ZNF451: variants seen among roughly 807,000 people sequenced by gnomAD.
The protein encoded by ZNF451 is E3 SUMO-protein ligase ZNF451.
ZNF451 carries 80 observed loss-of-function variants against 107.1 expected under a neutral mutation model. That is an observed-to-expected ratio of 0.75 (90% CI 0.62 to 0.90). The LOEUF (loss-of-function observed/expected upper bound fraction) is 0.90, where lower values mean the gene tolerates loss of function less well. Among genes scored for constraint, ZNF451 ranks in the 40% least tolerant of loss-of-function variants. ZNF451 has a pLI of 0.00. For missense variants in ZNF451, 1,107 were observed against 1,236.2 expected (o/e 0.90, Z 1.57); for synonymous variants, 362 against 406.5 (o/e 0.89, Z 1.32).
At chr6:57,101,927 A>G (rs1195523385) in intron 3 of ZNF451, 7 of 1,550,442 alleles carry the variant, frequency 4.5e-6, no homozygotes, top group Admixed American at 2.0e-5. Flanking sequence ...GAAAATGACT[A>G]TAAAGATCAC....
chr6:57,142,176 A>G (rs1831802544), intron 9 of ZNF451, 81 bp downstream of exon 9: 4 of 1,423,616 alleles, frequency 2.8e-6, no homozygotes, highest in South Asian at 1.6e-5. Context: ...TTTTCTTTCC[A>G]TGTTTCTCTC....
At chr6:57,150,983 C>A in intron 11 of ZNF451, 121 bp downstream of exon 11, 3 of 1,200,416 alleles carry the variant, frequency 2.5e-6, no homozygotes, top group Non-Finnish European at 3.5e-6. Context: ...GAATATTGTT[C>A]TTTTGTATTA....
At chr6:57,140,364 G>A (rs769620675) in intron 7 of ZNF451, among the ~76,000 whole-genome samples, 10 of 152,034 alleles carry the variant, frequency 6.6e-5, no homozygotes, top group Non-Finnish European at 1.2e-4. Flanking sequence ...CCAGAAGTTC[G>A]AGACCAGCCT....
chr6:57,093,302 A>G (rs1429324446), intron 2 of ZNF451, among the ~76,000 whole-genome samples: 1 of 152,168 alleles, frequency 6.6e-6, no homozygotes, highest in Admixed American at 6.5e-5. Context: ...GTGTAGCATC[A>G]TTGGAAGTCA....
chr6:57,107,792 A>G (rs1161341345), intron 3 of ZNF451: 1 of 982,154 alleles, frequency 1.0e-6, no homozygotes, highest in East Asian at 1.1e-4. Flanking sequence ...AGTATTCCTG[A>G]GTATATTCCT....
At chr6:57,111,355 A>T (rs1223977355) in intron 3 of ZNF451, among the ~76,000 whole-genome samples, 2 of 145,484 alleles carry the variant, frequency 1.4e-5, no homozygotes, top group Non-Finnish European at 3.0e-5. Context: ...ATTCAGAGTT[A>T]CTGTGGGGTT....
chr6:57,091,430 G>A (rs1348835591), intron 2 of ZNF451: 8 of 140,786 alleles, frequency 5.7e-5, no homozygotes, highest in African/African-American at 1.9e-4. Flanking sequence ...TGTTCCCTTT[G>A]AGACAGTAGT....
intron 14 of ZNF451, among the ~76,000 whole-genome samples, chr6:57,163,696 T>G (rs138635769): frequency 6.6e-6 from 1 of 151,674 alleles, no homozygotes; most frequent in African/African-American, 2.4e-5. Context: ...GTGATCCGCC[T>G]GCCTCGGCCT....
At chr6:57,166,449 A>G (rs1474789773) in intron 14 of ZNF451, among the ~76,000 whole-genome samples, 1 of 152,188 alleles carries the variant, frequency 6.6e-6, no homozygotes, top group Non-Finnish European at 1.5e-5. Context: ...TAAAACACAA[A>G]CACTTTGTAC....
intron 10 of ZNF451, 137 bp from the exon 11 acceptor site, chr6:57,150,582 A>G (rs1832295573): frequency 1.3e-6 from 1 of 795,350 alleles, no homozygotes; most frequent in Non-Finnish European, 1.9e-6. Flanking sequence ...GGATTTCACA[A>G]AAAGGTTTAG....
chr6:57,153,246 C>A (rs548933584), intron 12 of ZNF451, among the ~76,000 whole-genome samples: 66 of 152,076 alleles, frequency 4.3e-4, no homozygotes, highest in African/African-American at 1.5e-3. Flanking sequence ...TTATATTGAG[C>A]GTATAGCCCT....
chr6:57,139,044 G>T (rs1339449464), intron 7 of ZNF451, among the ~76,000 whole-genome samples: 2 of 151,948 alleles, frequency 1.3e-5, no homozygotes, highest in Admixed American at 1.3e-4. Context: ...ATGATTTAAT[G>T]AGTTTAGGGT....
intron 1 of ZNF451, 72 bp downstream of exon 1, chr6:57,090,346 A>C: frequency 6.3e-7 from 1 of 1,584,862 alleles, no homozygotes; most frequent in Non-Finnish European, 8.6e-7. Flanking sequence ...CTGCGGTCTG[A>C]GGCCTGGTGC....
At position 57,141,361 on chromosome 6, in the gene ZNF451, A is replaced by G. The variant is rs1831749044; in HGVS notation, c.762A>G (p.Ala254=). The change falls in exon 8 of 15, where the codon GCA becomes GCG. Residue 254 remains alanine (A), a synonymous_variant. Coordinates refer to ENST00000370706, the MANE Select transcript of ZNF451 (RefSeq NM_001031623.3). The part of the protein sequence containing the change: ...NLLPQIIQCF[A]CPNCFLLFSR... ...TTCCTCAGATTATTCAGTGTTTTGC[A>G]TGTCCAAATTGCTTCCTTCTTTTTA... 1 of 1,613,370 alleles carries G rather than the reference A, an allele frequency of 6.2e-7. No homozygotes were observed. Among genetic ancestry groups the G allele is most frequent in the African/African-American group, 1.3e-5 (1 of 75,046 alleles).
chr6:57,149,007 G>A (rs1186804478), intron 10 of ZNF451, among the ~76,000 whole-genome samples: 1 of 152,098 alleles, frequency 6.6e-6, no homozygotes, highest in Non-Finnish European at 1.5e-5. Flanking sequence ...AGTTATCCTA[G>A]TATTAATATC....
chr6:57,120,868 CA>C (rs1489073483), intron 3 of ZNF451, among the ~76,000 whole-genome samples: 2 of 152,118 alleles, frequency 1.3e-5, no homozygotes, highest in African/African-American at 4.8e-5. Flanking sequence ...TTGTCTTTTG[CA>C]GAGAAGTTTT....
chr6:57,113,478 AG>A (rs1830206567), intron 3 of ZNF451, among the ~76,000 whole-genome samples: 2 of 152,172 alleles, frequency 1.3e-5, no homozygotes, highest in Non-Finnish European at 2.9e-5. Context: ...AAACATTTAA[AG>A]TAACTGATTT....
chr6:57,141,961 T>C lies in ZNF451; in HGVS notation c.870T>C (p.Ile290=). 1 of 1,613,586 alleles carries C rather than the reference T, an allele frequency of 6.2e-7. No homozygotes were observed. The highest frequency in any genetic ancestry group is 1.1e-5 in the South Asian group (1 of 91,040). The change falls in exon 9 of 15, where the codon ATT becomes ATC. Residue 290 remains isoleucine, a synonymous_variant. Coordinates refer to ENST00000370706, the MANE Select transcript of ZNF451 (RefSeq NM_001031623.3). ...QSFKLGDNKG[I]AHPISFPSFA... The stretch of plus-strand genomic sequence containing the variant: ...TTTGTCTTTCAGATAACAAAGGAAT[T>C]GCACATCCAATATCTTTCCCATCTT...
At chr6:57,128,929 C>A (rs536208894) in intron 5 of ZNF451, 89 bp downstream of exon 5, 14 of 863,282 alleles carry the variant, frequency 1.6e-5, no homozygotes, top group Middle Eastern at 4.6e-4. Flanking sequence ...TGCTAATAAG[C>A]ATATAAGATA....
Sources: allele counts gnomAD v4.1 joint callset (sites outside exome capture counted in the v4.1 genomes callset), GRCh38; gene constraint gnomAD v4.1.1; transcripts MANE v1.5; gene names NCBI Gene and HGNC (gene_info 2026-07-23, HGNC 2026-07-21).